Variants in RGS3 observed in about 807,000 individuals in gnomAD.
The protein encoded by RGS3 is regulator of G-protein signalling 3.
In RGS3, 80 loss-of-function variants were observed where a neutral mutation model predicts 132.6. The ratio of observed to expected loss-of-function variants is 0.60; its 90% CI spans 0.50 to 0.73. The LOEUF (loss-of-function observed/expected upper bound fraction) is 0.73. RGS3 is among the 30% of genes least tolerant of loss of function. The pLI is 0.00. For missense variants in RGS3, 1,382 were observed against 1,530.8 expected (o/e 0.90, Z 1.62); for synonymous variants, 598 against 620.6 (o/e 0.96, Z 0.54).
At chr9:113,508,824 C>A (rs775831447) in intron 14 of RGS3, among the ~76,000 whole-genome samples, 11 of 152,140 alleles carry the variant, frequency 7.2e-5, no homozygotes, top group Non-Finnish European at 1.5e-4. Flanking sequence ...TTTGAGAGAC[C>A]GTGTGTCCAG....
intron 14 of RGS3, among the ~76,000 whole-genome samples, chr9:113,510,584 T>A (rs1045908879): frequency 6.6e-6 from 1 of 152,042 alleles, no homozygotes; most frequent in Non-Finnish European, 1.5e-5. Flanking sequence ...CACAGGCTGG[T>A]GTCTGGGGTT....
chr9:113,536,616 C>G, intron 18 of RGS3, 180 bp from the exon 17 acceptor site: 1 of 1,448,728 alleles, frequency 6.9e-7, no homozygotes. Context: ...AACCCACTTC[C>G]CTGCGCCTCT....
Position 113,579,628 on chromosome 9 carries a change from C to G in RGS3, c.2038-3822C>G, listed in dbSNP as rs1834694626. On this transcript the variant is annotated intron_variant, in intron 19 of 24. Coordinates refer to ENST00000350696, the Ensembl canonical transcript of RGS3. The surrounding 1 kb of genome is among the most constrained non-coding windows in gnomAD (Gnocchi z 4.3). ...TGGATTCTTGTTACTTCAGCTGTTG[C>G]AACAGCTGTCTCACTGGGTCCCCAG... 6.6e-6 allele frequency among the ~76,000 whole-genome samples: 1 copy of G among 152,202 alleles called. No homozygotes were observed. Among genetic ancestry groups the G allele is most frequent in the South Asian group, 2.1e-4 (1 of 4,824 alleles).
At chr9:113,514,512 G>A (rs1480991167) in exon 15 of RGS3, 9 of 1,614,172 alleles carry the variant, frequency 5.6e-6, no homozygotes, top group South Asian at 2.2e-5. Flanking sequence ...AAGAAGTCCC[G>A]GCTGATGAAG....
chr9:113,552,407 C>G (rs547155087), intron 19 of RGS3, among the ~76,000 whole-genome samples: 1 of 152,208 alleles, frequency 6.6e-6, no homozygotes, highest in African/African-American at 2.4e-5. Flanking sequence ...AGACCCGCCT[C>G]CCGGGTTCAC....
chr9:113,553,779 G>A (rs1833457576), intron 19 of RGS3, among the ~76,000 whole-genome samples: 1 of 151,852 alleles, frequency 6.6e-6, no homozygotes, highest in South Asian at 2.1e-4. Flanking sequence ...GGAGACGGAG[G>A]TTGCAATGAG....
At chr9:113,561,657 A>G (rs1363297671) in intron 19 of RGS3, among the ~76,000 whole-genome samples, 1 of 151,290 alleles carries the variant, frequency 6.6e-6, no homozygotes, top group African/African-American at 2.4e-5. Context: ...CCTGGGCTCA[A>G]ATGATCCTCC....
rs1414478305 is a variant in RGS3, at chr9:113,498,011, C to G, written c.842-14C>G. 9.9e-6 allele frequency: 16 copies of G among 1,613,952 alleles called. No homozygotes were observed. The highest frequency in any genetic ancestry group is 1.4e-5 in the Non-Finnish European group (16 of 1,179,856). On this transcript the variant is annotated splice_polypyrimidine_tract_variant and intron_variant, in intron 9 of 24. Coordinates refer to ENST00000350696, the Ensembl canonical transcript of RGS3. ...CCACCAGAAGTTTTCTGATTCTGCT[C>G]TGTCACCTTCCAGACCCGCTGCTGA... is the stretch of plus-strand genomic sequence containing the variant.
chr9:113,447,710 G>A (rs1275161969), intron 1 of RGS3, among the ~76,000 whole-genome samples: 1 of 151,832 alleles, frequency 6.6e-6, no homozygotes, highest in Non-Finnish European at 1.5e-5. Flanking sequence ...TTCTTTTTAT[G>A]GTCCATCTGA....
intron 21 of RGS3, chr9:113,593,857 C>T: frequency 6.6e-7 from 1 of 1,513,438 alleles, no homozygotes; most frequent in Admixed American, 1.8e-5. Flanking sequence ...CCCTGGCTCC[C>T]TCCTTCCCTT....
At chr9:113,583,860 T>C in exon 20 of RGS3, 1 of 1,613,908 alleles carries the variant, frequency 6.2e-7, no homozygotes, top group Non-Finnish European at 8.5e-7. Context: ...CCTGTCAAGA[T>C]CTGCCTCCTA....
exon 15 of RGS3, chr9:113,514,591 C>T (rs978204654): frequency 1.9e-6 from 3 of 1,614,012 alleles, no homozygotes; most frequent in East Asian, 2.2e-5. Context: ...ATGCCACGCA[C>T]TCAAGCTATG....
chr9:113,486,449 A>AGTGCAG (rs1830336755), intron 7 of RGS3, among the ~76,000 whole-genome samples: 1 of 152,250 alleles, frequency 6.6e-6, no homozygotes, highest in African/African-American at 2.4e-5. Flanking sequence ...TCTTGCAGGC[A>AGTGCAG]GTGCAGGACA....
chr9:113,543,521 G>C (rs925633472), intron 19 of RGS3, among the ~76,000 whole-genome samples: 1 of 152,202 alleles, frequency 6.6e-6, no homozygotes, highest in African/African-American at 2.4e-5. Flanking sequence ...CTCAGCCCGC[G>C]GGGGGGATTT....
chr9:113,544,563 G>C (rs1265317368), intron 19 of RGS3, among the ~76,000 whole-genome samples: 2 of 152,168 alleles, frequency 1.3e-5, no homozygotes, highest in Non-Finnish European at 2.9e-5. Flanking sequence ...TTTTTGCAAA[G>C]TGAAAATGCA....
chr9:113,589,513 C>T (rs1835300299), intron 20 of RGS3, among the ~76,000 whole-genome samples: 1 of 152,224 alleles, frequency 6.6e-6, no homozygotes, highest in Admixed American at 6.5e-5. Context: ...CATTTCCCAG[C>T]AGCGCAGAGG....
At chr9:113,453,782 C>T (rs1262012926) in intron 1 of RGS3, among the ~76,000 whole-genome samples, 3 of 144,368 alleles carry the variant, frequency 2.1e-5, no homozygotes, top group Non-Finnish European at 4.5e-5. Context: ...ATAATATACT[C>T]ATTATATGAT....
chr9:113,509,568 G>C (rs1831309810), intron 14 of RGS3, among the ~76,000 whole-genome samples: 1 of 152,192 alleles, frequency 6.6e-6, no homozygotes, highest in South Asian at 2.1e-4. Flanking sequence ...CTGAGATATT[G>C]GTCTTGAGGC....
intron 4 of RGS3, among the ~76,000 whole-genome samples, chr9:113,482,476 C>T (rs1384347832): frequency 6.6e-6 from 1 of 152,182 alleles, no homozygotes; most frequent in Non-Finnish European, 1.5e-5. Context: ...CCCTGAGGCC[C>T]CAGCTTGTGA....
Sources: allele counts gnomAD v4.1 joint callset (sites outside exome capture counted in the v4.1 genomes callset), GRCh38; gene constraint gnomAD v4.1.1; non-coding constraint Gnocchi (gnomAD v3.1); transcripts MANE v1.5; gene names NCBI Gene and HGNC (gene_info 2026-07-23, HGNC 2026-07-21).